The following EPG5 variants were observed in gnomAD, a reference collection of about 807,000 sequenced individuals.
The protein encoded by EPG5 is ectopic P-granules 5 autophagy tethering factor.
Under a neutral mutation model 302.7 loss-of-function variants are expected in EPG5, and 159 were observed. That is an observed-to-expected ratio of 0.53 (90% confidence interval 0.46 to 0.60). The LOEUF is 0.60. Ranked by LOEUF, EPG5 falls within the 20% of genes least tolerant of loss-of-function variation. EPG5 has a pLI of 0.00. For missense variants in EPG5, 2,896 were observed against 3,092.4 expected, an observed-to-expected ratio of 0.94 and a Z score of 1.51; for synonymous variants, 1,158 against 1,136.8, an observed-to-expected ratio of 1.02 and a Z score of -0.37.
At chr18:45,872,074 A>T (rs1407704871) in intron 35 of EPG5, among the ~76,000 whole-genome samples, 1 of 152,200 alleles carries the variant, frequency 6.6e-6, no homozygotes, top group Non-Finnish European at 1.5e-5. Flanking sequence ...AATAACATTA[A>T]TTTTTTAATT....
chr18:45,910,773 T>A, intron 22 of EPG5, 31 bp from the exon 23 acceptor site: 1 of 1,553,480 alleles, frequency 6.4e-7, no homozygotes, highest in South Asian at 1.1e-5. Flanking sequence ...ATCTATAACC[T>A]TTCAACACAA....
chr18:45,810,311 T>C, the EPG5 span, among the ~76,000 whole-genome samples: 1 of 152,118 alleles, frequency 6.6e-6, no homozygotes, highest in Non-Finnish European at 1.5e-5. Flanking sequence ...ACCAATCCTA[T>C]TGACACTATT....
At position 45,944,073 on chromosome 18, in the gene EPG5, A is replaced by G. The variant is rs763489689; in HGVS notation, c.1724T>C (p.Leu575Ser). The G allele has an allele frequency of 1.9e-6, 3 of 1,613,984 alleles. No homozygotes were observed. The highest frequency in any genetic ancestry group is 3.3e-5 in the Admixed American group (2 of 60,002). The change falls in exon 8 of 44, where the codon TTG becomes TCG. Residue 575 changes from leucine to serine, a missense_variant. Leu to Ser is a moderately radical substitution (Grantham distance 145, BLOSUM62 -2). This residue lies in a region of EPG5 where 1,390 missense variants were observed against 1,430.0 expected (regional missense o/e 0.97). Coordinates refer to ENST00000282041, the MANE Select transcript of EPG5 (RefSeq NM_020964.3). Reference sequence around the variant, plus strand: ...GGGGAACTGTGCTAAAATGGTAACCAAATCATCTTCATTAAGGAGAATCCA... The same window carrying G: ...GGGGAACTGTGCTAAAATGGTAACCGAATCATCTTCATTAAGGAGAATCCA... ...TSWILLNEDD[L>S]VTILAQFPFH...
At chr18:45,879,934 C>T (rs1211960640) in intron 32 of EPG5, 141 bp downstream of exon 32, 17 of 893,200 alleles carry the variant, frequency 1.9e-5, no homozygotes, top group Admixed American at 5.7e-5. Flanking sequence ...AAAGGGGACA[C>T]GAGGGAACCA....
chr18:45,805,301 T>C, the EPG5 span, among the ~76,000 whole-genome samples: 1 of 151,966 alleles, frequency 6.6e-6, no homozygotes, highest in Non-Finnish European at 1.5e-5. Flanking sequence ...GTGATGAATG[T>C]ACTGTGATAA....
chr18:45,916,660 A>C, intron 17 of EPG5, 78 bp from the exon 18 acceptor site: 2 of 1,429,140 alleles, frequency 1.4e-6, no homozygotes, highest in East Asian at 5.0e-5. Flanking sequence ...TTATGAGGAA[A>C]CAGAAAATTC....
chr18:45,813,739 G>C, the EPG5 span, among the ~76,000 whole-genome samples: 1 of 150,572 alleles, frequency 6.6e-6, no homozygotes, highest in Non-Finnish European at 1.5e-5. Flanking sequence ...CACAGGAAGG[G>C]GAACATCACA....
At chr18:45,941,447 A>G (rs1251881305) in intron 9 of EPG5, among the ~76,000 whole-genome samples, 1 of 152,176 alleles carries the variant, frequency 6.6e-6, no homozygotes, top group African/African-American at 2.4e-5. Flanking sequence ...GGATGGAGGA[A>G]TAAAATGGGA....
chr18:45,811,356 C>T, the EPG5 span, among the ~76,000 whole-genome samples: 2 of 152,184 alleles, frequency 1.3e-5, no homozygotes, highest in African/African-American at 2.4e-5. Flanking sequence ...GGTACCATTC[C>T]TTCTGAAACT....
At chr18:45,828,707 G>A in the EPG5 span, among the ~76,000 whole-genome samples, 1 of 152,222 alleles carries the variant, frequency 6.6e-6, no homozygotes, top group African/African-American at 2.4e-5. Context: ...AGAGGCTTCT[G>A]AGTGTGCATC....
chr18:45,961,242 T>TG (rs1454128825), intron 1 of EPG5, among the ~76,000 whole-genome samples: 1 of 152,206 alleles, frequency 6.6e-6, no homozygotes, highest in Non-Finnish European at 1.5e-5. Context: ...GCAGTCACAG[T>TG]GATTCTTTAA....
chr18:45,890,434 A>C (rs1333490158), intron 27 of EPG5, among the ~76,000 whole-genome samples: 1 of 152,240 alleles, frequency 6.6e-6, no homozygotes, highest in Non-Finnish European at 1.5e-5. Context: ...ATATGGGGAA[A>C]TGCCCAAACC....
chr18:45,947,931 T>C (rs1398285267), intron 6 of EPG5, among the ~76,000 whole-genome samples: 1 of 152,106 alleles, frequency 6.6e-6, no homozygotes, highest in Non-Finnish European at 1.5e-5. Context: ...TACACCACCA[T>C]GCCCGGCTAA....
Position 45,892,427 on chromosome 18 carries a change from T to C in EPG5, c.4810-2487A>G, listed in dbSNP as rs146129530. On this transcript the variant is annotated intron_variant, in intron 27 of 43. Coordinates refer to ENST00000282041, the MANE Select transcript of EPG5 (RefSeq NM_020964.3). ...TTAAGTGGACACAGAAATTTAAAAGTTTCCTTGTCTAAATTTAAAAGTTGG... is the reference window on the plus strand; with the variant it reads ...TTAAGTGGACACAGAAATTTAAAAGCTTCCTTGTCTAAATTTAAAAGTTGG... Among the ~76,000 whole-genome samples, 126 of 152,326 alleles carry C rather than the reference T, an allele frequency of 8.3e-4. 1 individual carries two copies. In the East Asian group the frequency reaches 0.019, roughly 23 times the overall value.
Position 45,952,403 on chromosome 18 carries a change from G to A in EPG5, c.1249C>T (p.Arg417Ter), listed in dbSNP as rs961245497. The change falls in exon 3 of 44, where the codon CGA (arginine) becomes TGA (stop). Residue 417 changes from arginine to a stop codon, truncating the protein, a stop_gained. Coordinates refer to ENST00000282041, the MANE Select transcript of EPG5 (RefSeq NM_020964.3). LOFTEE classifies it high-confidence loss of function. ...LRSSAIHQQGRASKQTESIPS... is the reference protein window; with the variant it reads ...LRSSAIHQQG Reference sequence around the variant, plus strand: ...GAGAGCTTCATTACTTACATACCTCGGCCTTGCTGGTGAATTGCTGAAGAT... The same window carrying A: ...GAGAGCTTCATTACTTACATACCTCAGCCTTGCTGGTGAATTGCTGAAGAT... 6 of 1,613,608 alleles carry A rather than the reference G, an allele frequency of 3.7e-6. No homozygotes were observed. The highest frequency in any genetic ancestry group is 1.1e-5 in the South Asian group (1 of 91,018).
the EPG5 span, among the ~76,000 whole-genome samples, chr18:45,820,261 A>G: frequency 5.3e-5 from 8 of 152,222 alleles, no homozygotes; most frequent in Non-Finnish European, 1.0e-4. Context: ...GAAAACCCCA[A>G]GCATTCTGTC....
chr18:45,951,834 G>C (rs890937301), intron 3 of EPG5, among the ~76,000 whole-genome samples: 2 of 152,048 alleles, frequency 1.3e-5, no homozygotes, highest in Admixed American at 6.6e-5. Context: ...TAAGAAAATG[G>C]GGGAGGGGGA....
At chr18:45,963,628 C>T (rs2051193205) in intron 1 of EPG5, among the ~76,000 whole-genome samples, 1 of 151,930 alleles carries the variant, frequency 6.6e-6, no homozygotes. Flanking sequence ...GAGTGAGACT[C>T]GGTCTCAAAA....
chr18:45,938,510 T>C (rs1392382016), intron 10 of EPG5, among the ~76,000 whole-genome samples: 1 of 151,774 alleles, frequency 6.6e-6, no homozygotes, highest in Non-Finnish European at 1.5e-5. Flanking sequence ...TCTATTTAAG[T>C]TAGACTCAAT....
Sources: allele counts gnomAD v4.1 joint callset (sites outside exome capture counted in the v4.1 genomes callset), GRCh38; gene constraint gnomAD v4.1.1; regional missense constraint gnomAD v4.1.1; transcripts MANE v1.5; gene names NCBI Gene and HGNC (gene_info 2026-07-23, HGNC 2026-07-21).